NRXN1: variants seen among roughly 807,000 people sequenced by gnomAD.
NRXN1 encodes neurexin 1, also known as neurexin-1.
A neutral mutation model predicts 150.9 loss-of-function variants in NRXN1; 39 were observed. The ratio of observed to expected loss-of-function variants is 0.26; its 90% CI spans 0.20 to 0.34. The LOEUF is 0.34. Ranked by LOEUF, NRXN1 falls within the 10% of genes least tolerant of loss-of-function variation. NRXN1 has a pLI of 1.00. For synonymous variants in NRXN1, 924 were observed against 757.0 expected (o/e 1.22, Z -3.62); for missense variants, 1,815 against 1,949.9 (o/e 0.93, Z 1.30).
intron 5 of NRXN1, among the ~76,000 whole-genome samples, chr2:50,799,285 C>A (rs537431978): frequency 6.6e-6 from 1 of 152,140 alleles, no homozygotes; most frequent in African/African-American, 2.4e-5. Flanking sequence ...GTTTGGATTC[C>A]AGTACAAAGT....
intron 21 of NRXN1, among the ~76,000 whole-genome samples, chr2:49,968,335 G>C (rs1298171676): frequency 6.6e-6 from 1 of 152,068 alleles, no homozygotes; most frequent in African/African-American, 2.4e-5. Context: ...AATGAATAAA[G>C]AGAATGAATA....
chr2:49,981,578 A>G (rs1679998379), intron 21 of NRXN1, among the ~76,000 whole-genome samples: 1 of 152,058 alleles, frequency 6.6e-6, no homozygotes, highest in African/African-American at 2.4e-5. Context: ...GACCCAAGCA[A>G]TAATATTTTA....
At chr2:50,159,042 T>G (rs952399873) in intron 18 of NRXN1, among the ~76,000 whole-genome samples, 8 of 152,032 alleles carry the variant, frequency 5.3e-5, no homozygotes, top group African/African-American at 1.7e-4. Context: ...ATCAGAGAGA[T>G]AGAAAATGCT....
rs184298992 is a variant in NRXN1, at chr2:50,974,890, C to G, written c.773-48935G>C. Among the ~76,000 whole-genome samples, 45 of 152,110 alleles carry G rather than the reference C, an allele frequency of 3.0e-4. 1 individual carries two copies. The highest frequency in any genetic ancestry group is 1.1e-3 in the African/African-American group (44 of 41,528). On this transcript the variant is annotated intron_variant, in intron 2 of 22. Coordinates refer to ENST00000401669, the MANE Select transcript of NRXN1 (RefSeq NM_001330078.2). ...TTGTTCCCTTACTATATAAAATGTA[C>G]TTGTATTTTCCATTCCCTTCCATTG...
intron 2 of NRXN1, among the ~76,000 whole-genome samples, chr2:50,972,497 G>T (rs1201432275): frequency 6.6e-6 from 1 of 152,040 alleles, no homozygotes; most frequent in Non-Finnish European, 1.5e-5. Flanking sequence ...ACTGGGGAGG[G>T]GGGTGGTTTC....
intron 17 of NRXN1, among the ~76,000 whole-genome samples, chr2:50,315,998 T>C (rs1236569263): frequency 6.6e-6 from 1 of 152,028 alleles, no homozygotes; most frequent in African/African-American, 2.4e-5. Context: ...GGGAAAGCAG[T>C]AAACGGCATG....
At chr2:50,324,206 G>T (rs930055297) in intron 17 of NRXN1, among the ~76,000 whole-genome samples, 1 of 152,192 alleles carries the variant, frequency 6.6e-6, no homozygotes, top group Non-Finnish European at 1.5e-5. Context: ...CTCCACAGAG[G>T]TCAGAGCGAC....
chr2:50,648,883 T>C (rs1007106898), intron 5 of NRXN1, among the ~76,000 whole-genome samples: 5 of 152,016 alleles, frequency 3.3e-5, no homozygotes, highest in African/African-American at 7.2e-5. Context: ...AGGTCCATCT[T>C]TGCCTTTGGT....
At chr2:50,253,673 A>G (rs1359647171) in intron 17 of NRXN1, among the ~76,000 whole-genome samples, 3 of 152,094 alleles carry the variant, frequency 2.0e-5, no homozygotes, top group African/African-American at 7.2e-5. Flanking sequence ...AGATAATCAC[A>G]TAGTTTTTGT....
At chr2:49,951,888 C>T (rs1674032258) in intron 21 of NRXN1, among the ~76,000 whole-genome samples, 1 of 151,934 alleles carries the variant, frequency 6.6e-6, no homozygotes, top group Admixed American at 6.6e-5. Flanking sequence ...TTTATGATTG[C>T]AAAATGCCTA....
intron 18 of NRXN1, among the ~76,000 whole-genome samples, chr2:50,107,541 T>TATATATA (rs113045952): frequency 2.3e-4 from 26 of 111,798 alleles, no homozygotes; most frequent in African/African-American, 7.4e-4. Context: ...ATATATATAT[T>TATATATA]TTTTTTTTTT....
At chr2:50,111,088 G>A (rs1299180406) in intron 18 of NRXN1, among the ~76,000 whole-genome samples, 2 of 152,042 alleles carry the variant, frequency 1.3e-5, no homozygotes, top group African/African-American at 2.4e-5. Flanking sequence ...CTCTTGGCCC[G>A]TTATTTTAGA....
chr2:50,972,106 G>C (rs1475363315), intron 2 of NRXN1, among the ~76,000 whole-genome samples: 1 of 151,190 alleles, frequency 6.6e-6, no homozygotes, highest in Non-Finnish European at 1.5e-5. Flanking sequence ...AAAATTATTT[G>C]CTGTGAAACA....
chr2:50,224,383 A>C (rs1457135430), intron 18 of NRXN1, among the ~76,000 whole-genome samples: 1 of 151,954 alleles, frequency 6.6e-6, no homozygotes, highest in Non-Finnish European at 1.5e-5. Flanking sequence ...GTGAATATTT[A>C]ATAAAATCTA....
At chr2:50,073,627 T>G (rs905176648) in intron 19 of NRXN1, among the ~76,000 whole-genome samples, 4 of 152,138 alleles carry the variant, frequency 2.6e-5, no homozygotes, top group South Asian at 2.1e-4. Flanking sequence ...GAGAAGCAAT[T>G]TGACATTAAT....
At chr2:50,996,710 T>A (rs1558849) in intron 2 of NRXN1, among the ~76,000 whole-genome samples, 4 of 151,810 alleles carry the variant, frequency 2.6e-5, no homozygotes, top group Admixed American at 2.6e-4. Flanking sequence ...TAGGTTAGAC[T>A]TATTCAAATG....
intron 9 of NRXN1, among the ~76,000 whole-genome samples, chr2:50,539,538 G>A (rs576943453): frequency 3.2e-4 from 49 of 152,018 alleles, no homozygotes; most frequent in African/African-American, 1.2e-3. Context: ...AAAAAAGAAA[G>A]ATATAAAGCA....
At chr2:50,373,709 AAGAGAAAGAAAGAC>A (rs2080273403) in intron 17 of NRXN1, among the ~76,000 whole-genome samples, 4 of 116,956 alleles carry the variant, frequency 3.4e-5, no homozygotes, top group East Asian at 6.9e-4. Context: ...GAAAGAAAGA[AAGAGAAAGAAAGAC>A]AGACAGACTA....
At chr2:50,094,866 A>G (rs1668182488) in intron 18 of NRXN1, among the ~76,000 whole-genome samples, 1 of 152,286 alleles carries the variant, frequency 6.6e-6, no homozygotes, top group South Asian at 2.1e-4. Flanking sequence ...TACTACCTCA[A>G]TGGAATTGCA....
Sources: allele counts gnomAD v4.1 joint callset (sites outside exome capture counted in the v4.1 genomes callset), GRCh38; gene constraint gnomAD v4.1.1; transcripts MANE v1.5; gene names NCBI Gene and HGNC (gene_info 2026-07-23, HGNC 2026-07-21).